The following RAI14 variants were observed in gnomAD, a reference collection of about 807,000 sequenced individuals.
RAI14 encodes the protein retinoic acid induced 14.
A neutral mutation model predicts 115.4 loss-of-function variants in RAI14; 45 were observed. That is an observed-to-expected ratio of 0.39 (90% CI 0.31 to 0.50). The LOEUF (loss-of-function observed/expected upper bound fraction) is 0.50. Ranked by LOEUF, RAI14 falls within the 20% of genes least tolerant of loss-of-function variation. The pLI, the probability that RAI14 is intolerant of heterozygous loss-of-function variation, is 0.85. For missense variants in RAI14, 939 were observed against 1,131.2 expected, an observed-to-expected ratio of 0.83 and a Z score of 2.44; for synonymous variants, 371 against 415.4, an observed-to-expected ratio of 0.89 and a Z score of 1.30.
chr5:34,754,523 C>CGGCTAATTTTTTGT (rs1561315251), intron 2 of RAI14, among the ~76,000 whole-genome samples: 6 of 148,746 alleles, frequency 4.0e-5, no homozygotes, highest in South Asian at 2.2e-4. Context: ...CTACCACGCC[C>CGGCTAATTTTTTGT]AGGCTCTTAC....
At chr5:34,787,538 C>T (rs1752441301) in intron 3 of RAI14, among the ~76,000 whole-genome samples, 1 of 152,108 alleles carries the variant, frequency 6.6e-6, no homozygotes, top group Admixed American at 6.5e-5. Flanking sequence ...CCAGAATAGG[C>T]AAATCCATAG....
chr5:34,808,927 G>A (rs1195842200), intron 7 of RAI14, among the ~76,000 whole-genome samples: 1 of 152,166 alleles, frequency 6.6e-6, no homozygotes, highest in Non-Finnish European at 1.5e-5. Flanking sequence ...TGAGAATCCA[G>A]TACTGCTGCT....
At chr5:34,825,051 G>A (rs1401617666) in intron 15 of RAI14, among the ~76,000 whole-genome samples, 1 of 152,056 alleles carries the variant, frequency 6.6e-6, no homozygotes, top group African/African-American at 2.4e-5. Flanking sequence ...CAGTTTGGGA[G>A]GCCATGATGG....
chr5:34,708,923 G>A (rs1051127003), intron 2 of RAI14, among the ~76,000 whole-genome samples: 7 of 151,992 alleles, frequency 4.6e-5, no homozygotes, highest in African/African-American at 7.2e-5. Context: ...TGGGAGGATC[G>A]TTTGAGGCCA....
At chr5:34,796,691 T>C (rs1753577010) in intron 4 of RAI14, among the ~76,000 whole-genome samples, 1 of 152,160 alleles carries the variant, frequency 6.6e-6, no homozygotes, top group Non-Finnish European at 1.5e-5. Context: ...TCAACTGAGA[T>C]AGGCTCTGTA....
At chr5:34,735,138 G>T (rs1031222397) in intron 2 of RAI14, among the ~76,000 whole-genome samples, 1 of 152,210 alleles carries the variant, frequency 6.6e-6, no homozygotes, top group Non-Finnish European at 1.5e-5. Flanking sequence ...ATGTTACTTG[G>T]TGAGAAAACT....
At chr5:34,698,677 G>A (rs1359961690) in intron 2 of RAI14, among the ~76,000 whole-genome samples, 2 of 152,130 alleles carry the variant, frequency 1.3e-5, no homozygotes, top group Non-Finnish European at 2.9e-5. Flanking sequence ...ATATATACAT[G>A]GGCAAATAAC....
At chr5:34,784,105 A>G (rs181089496) in intron 3 of RAI14, among the ~76,000 whole-genome samples, 208 of 152,370 alleles carry the variant, frequency 1.4e-3, no homozygotes, top group Non-Finnish European at 1.3e-3. Flanking sequence ...GTCGCTGGAT[A>G]ATAGCTTTAG....
intron 2 of RAI14, among the ~76,000 whole-genome samples, chr5:34,716,585 G>A (rs1236966444): frequency 6.6e-6 from 1 of 151,938 alleles, no homozygotes; most frequent in Non-Finnish European, 1.5e-5. Flanking sequence ...GTTAATTTTT[G>A]TATTTTTAGT....
intron 2 of RAI14, among the ~76,000 whole-genome samples, chr5:34,722,420 T>C (rs1186371372): frequency 6.6e-6 from 1 of 151,854 alleles, no homozygotes; most frequent in Non-Finnish European, 1.5e-5. Context: ...TGGGTGACAC[T>C]TTGATCTTGG....
chr5:34,799,536 AC>A (rs1399538483), intron 4 of RAI14, among the ~76,000 whole-genome samples: 20 of 64,406 alleles, frequency 3.1e-4, no homozygotes, highest in African/African-American at 1.0e-3. Context: ...ACACACACAC[AC>A]ACAAAACCAC....
chr5:34,792,403 T>G (rs1301262557), intron 3 of RAI14, among the ~76,000 whole-genome samples: 1 of 151,940 alleles, frequency 6.6e-6, no homozygotes, highest in Non-Finnish European at 1.5e-5. Context: ...CTGGCTAATT[T>G]TTTTGTATTT....
chr5:34,688,519 T>G (rs1003305390), intron 2 of RAI14, among the ~76,000 whole-genome samples: 2 of 152,080 alleles, frequency 1.3e-5, no homozygotes, highest in African/African-American at 2.4e-5. Flanking sequence ...TTAGAAAAAC[T>G]GAAATATTTC....
In RAI14 at chr5:34,817,284, A is replaced by AAG. The variant is rs574293595; in HGVS notation, c.940-1512_940-1511insGA. On this transcript the variant is annotated intron_variant, in intron 12 of 17. Coordinates refer to ENST00000265109, the MANE Select transcript of RAI14 (RefSeq NM_015577.3). ...AGACACTCCATCTCAAAAAAAAAAA[A>AAG]AAAAAGAAAAAGTGATATCTATTTA... Among the ~76,000 whole-genome samples, 365 of 151,828 alleles carry AAG rather than the reference A, an allele frequency of 2.4e-3. 3 individuals carry two copies. In the Middle Eastern group the frequency reaches 0.027, roughly 11 times the overall value.
At chr5:34,789,098 G>A (rs2039916973) in intron 3 of RAI14, among the ~76,000 whole-genome samples, 1 of 152,178 alleles carries the variant, frequency 6.6e-6, no homozygotes, top group African/African-American at 2.4e-5. Flanking sequence ...CACAGGCCAT[G>A]AGAGGGCACC....
chr5:34,691,575 A>G (rs1014430126), intron 2 of RAI14, among the ~76,000 whole-genome samples: 1 of 152,180 alleles, frequency 6.6e-6, no homozygotes, highest in African/African-American at 2.4e-5. Flanking sequence ...ATTTCTTTGT[A>G]GATGCCAATT....
At position 34,808,368 on chromosome 5, in the gene RAI14, G is replaced by A. The variant is rs187749238; in HGVS notation, c.380-216G>A. Reference sequence around the variant, plus strand: ...CCAAATATTTGCCTAAAGGCAACTGGCAGTCATTGGCTTTAGGCCTGCATA... The same window carrying A: ...CCAAATATTTGCCTAAAGGCAACTGACAGTCATTGGCTTTAGGCCTGCATA... On this transcript the variant is annotated intron_variant, in intron 6 of 17. Coordinates refer to ENST00000265109, the MANE Select transcript of RAI14 (RefSeq NM_015577.3). Among the ~76,000 whole-genome samples the A allele has an allele frequency of 2.3e-3, 346 of 152,358 alleles. 1 individual carries two copies. Among genetic ancestry groups the A allele is most frequent in the African/African-American group, 8.1e-3 (338 of 41,584 alleles).
At chr5:34,814,172 A>T (rs535669789) in intron 11 of RAI14, among the ~76,000 whole-genome samples, 2 of 152,324 alleles carry the variant, frequency 1.3e-5, no homozygotes, top group Admixed American at 1.3e-4. Flanking sequence ...GAAGCTCAGT[A>T]ATCTATGTAA....
intron 2 of RAI14, among the ~76,000 whole-genome samples, chr5:34,726,908 A>G (rs1328117490): frequency 6.6e-6 from 1 of 152,188 alleles, no homozygotes; most frequent in Admixed American, 6.5e-5. Flanking sequence ...TATTAGCAGC[A>G]TAAGAACAGA....
Sources: allele counts gnomAD v4.1 joint callset (sites outside exome capture counted in the v4.1 genomes callset), GRCh38; gene constraint gnomAD v4.1.1; transcripts MANE v1.5; gene names NCBI Gene and HGNC (gene_info 2026-07-23, HGNC 2026-07-21).